The following IGFLR1 variants were observed in gnomAD, a reference collection of about 807,000 sequenced individuals.
IGFLR1 encodes the protein IGF-like family receptor 1.
Under a neutral mutation model 23.4 loss-of-function variants are expected in IGFLR1, and 17 were observed. The observed-to-expected ratio is 0.73, with a 90% confidence interval of 0.50 to 1.09. The LOEUF is 1.09. Among genes scored for constraint, IGFLR1 ranks in the 50% least tolerant of loss-of-function variants. The pLI, the probability that IGFLR1 is intolerant of heterozygous loss-of-function variation, is 0.00. For missense variants in IGFLR1, 556 were observed against 459.2 expected, an observed-to-expected ratio of 1.21 and a Z score of -1.93; for synonymous variants, 265 against 210.7, an observed-to-expected ratio of 1.26 and a Z score of -2.23.
intron 3 of IGFLR1, 26 bp from the exon 4 acceptor site, chr19:35,740,114 C>T (rs771551444): frequency 6.3e-7 from 1 of 1,587,034 alleles, no homozygotes; most frequent in Non-Finnish European, 8.6e-7. Context: ...TGGAGTAAAG[C>T]TGGAGGCCAC....
chr19:35,739,005 A>ATTCT lies in IGFLR1; in HGVS notation c.*274_*275insAGAA. On this transcript the variant is annotated 3_prime_UTR_variant, in exon 5 of 5. Coordinates refer to ENST00000246532, the MANE Select transcript of IGFLR1 (RefSeq NM_024660.4). The stretch of plus-strand genomic sequence containing the variant: ...GGTGAGGCCATCATTCAGAATTAGA[A>ATTCT]GTCAGTCATGGGGTCTGTTACGGCT... 2.0e-6 allele frequency: 1 copy of ATTCT among 499,216 alleles called. No homozygotes were observed. The highest frequency in any genetic ancestry group is 3.5e-6 in the Non-Finnish European group (1 of 281,988). The allele number at this position is 499,216 out of a possible 1,614,324, so 30.9% of individuals were successfully genotyped here.
rs1376395257 is a variant in IGFLR1, at chr19:35,739,857, C to T, written c.574G>A (p.Glu192Lys). ...GGATAGGGATAGGGGTCGGCTTTCT[C>T]CTTGGGCCAGCAGAGATGCCAGAGC... is the stretch of plus-strand genomic sequence containing the variant. The part of the protein sequence containing the change: ...ILLWHLCWPK[E>K]KADPYPYPGL... Residue 192 changes from glutamate (E) to lysine (K), a missense_variant, in exon 4 of 5, where the codon GAG becomes AAG. By Grantham distance (56) the Glu-to-Lys change is moderately conservative. Coordinates refer to ENST00000246532, the MANE Select transcript of IGFLR1 (RefSeq NM_024660.4). 1.2e-6 allele frequency: 2 copies of T among 1,613,214 alleles called. No individual in the cohort carries two copies. The highest frequency in any genetic ancestry group is 1.3e-5 in the African/African-American group (1 of 74,884).
intron 2 of IGFLR1, 87 bp downstream of exon 2, chr19:35,740,937 T>C (rs780179011): frequency 5.8e-5 from 77 of 1,321,250 alleles, no homozygotes; most frequent in Middle Eastern, 2.6e-4. Flanking sequence ...CAAGCCTCTC[T>C]GGCCCGTAGC....
rs553923051 is a variant in IGFLR1, at chr19:35,741,070, CTTG to C, written c.108_110del (p.Asn36del). On this transcript the variant is annotated inframe_deletion, in exon 2 of 5. Transcript: ENST00000246532. ...AGCGTTGCAGGCAGCTGCTGCAGCA[CTTG>C]TTGTCTGGGTTCCAGTATTCAAGGC... is the stretch of plus-strand genomic sequence containing the variant. 10 of 1,607,658 alleles carry C rather than the reference CTTG, an allele frequency of 6.2e-6. No individual in the cohort carries two copies. Among genetic ancestry groups the C allele is most frequent in the South Asian group, 3.3e-5 (3 of 90,520 alleles).
In IGFLR1 at chr19:35,739,025, A is replaced by G; in HGVS notation, c.*255T>C. 1 of 534,152 alleles carries G rather than the reference A, an allele frequency of 1.9e-6. No homozygotes were observed. The highest frequency in any genetic ancestry group is 2.6e-5 in the South Asian group (1 of 38,468). The allele number at this position is 534,152 out of a possible 1,614,324, so 33.1% of individuals were successfully genotyped here. ...TTAGAAGTCAGTCATGGGGTCTGTT[A>G]CGGCTTCAGAACAACACAACACAGC... On this transcript the variant is annotated 3_prime_UTR_variant, in exon 5 of 5. Coordinates refer to ENST00000246532, the MANE Select transcript of IGFLR1 (RefSeq NM_024660.4).
chr19:35,738,958 A>T lies in IGFLR1; in HGVS notation c.*322T>A. The T allele has an allele frequency of 2.2e-6, 1 of 450,350 alleles. No homozygotes were observed. Among genetic ancestry groups the T allele is most frequent in the Non-Finnish European group, 4.0e-6 (1 of 252,286 alleles). 27.9% of individuals were successfully genotyped at this position (450,350 alleles called of 1,614,324 possible). On this transcript the variant is annotated 3_prime_UTR_variant, in exon 5 of 5. Transcript: ENST00000246532. This position sits in a 1 kb window ranked among gnomAD's most constrained non-coding sequence, Gnocchi z 8.7. ...ACACCCACCCATCATGACCCAAGGA[A>T]GTTCATCAGCCTCAACAGGTAGGTG... is the stretch of plus-strand genomic sequence containing the variant.
chr19:35,741,201 GA>G lies in IGFLR1; in HGVS notation c.-22del. 6.2e-7 allele frequency: 1 copy of G among 1,609,988 alleles called. No individual in the cohort carries two copies. On this transcript the variant is annotated 5_prime_UTR_variant, in exon 2 of 5. Transcript: ENST00000246532. Reference sequence around the variant, plus strand: ...CCCATCTGGGGGGCCGTGATAGCGGGACTTCCAAACACAGCGCCTCTGCTAC... The same window carrying G: ...CCCATCTGGGGGGCCGTGATAGCGGGCTTCCAAACACAGCGCCTCTGCTAC...
Position 35,739,867 on chromosome 19 carries a change from G to A in IGFLR1, c.564C>T (p.Cys188=). 1.9e-6 allele frequency: 3 copies of A among 1,613,954 alleles called. No homozygotes were observed. Among genetic ancestry groups the A allele is most frequent in the Non-Finnish European group, 8.5e-7 (1 of 1,179,866 alleles). ...AGGGGTCGGCTTTCTCCTTGGGCCAGCAGAGATGCCAGAGCAGAATAAACA... is the reference window on the plus strand; with the variant it reads ...AGGGGTCGGCTTTCTCCTTGGGCCAACAGAGATGCCAGAGCAGAATAAACA... ...ILLFILLWHL[C]WPKEKADPYP... The change falls in exon 4 of 5, where the codon TGC becomes TGT. Residue 188 remains cysteine, a synonymous_variant. Coordinates refer to ENST00000246532, the MANE Select transcript of IGFLR1 (RefSeq NM_024660.4).
intron 2 of IGFLR1, 128 bp from the exon 3 acceptor site, chr19:35,740,692 C>A (rs1039456125): frequency 1.5e-5 from 13 of 895,532 alleles, no homozygotes; most frequent in Non-Finnish European, 2.0e-5. Flanking sequence ...GCGTGCGCCC[C>A]GGTCTTGTCA....
rs774871492 is a variant in IGFLR1 at position 35,742,449 on chromosome 19, T to C, written c.-97A>G. Reference sequence around the variant, plus strand: ...GTGCCAAGTTCCTCAGCTGAAGTTGTGGCCAGGACCCAGTCTTGTTTCCCC... The same window carrying C: ...GTGCCAAGTTCCTCAGCTGAAGTTGCGGCCAGGACCCAGTCTTGTTTCCCC... On this transcript the variant is annotated 5_prime_UTR_variant, in exon 1 of 5. Coordinates refer to ENST00000246532, the MANE Select transcript of IGFLR1 (RefSeq NM_024660.4). 2 of 1,538,864 alleles carry C rather than the reference T, an allele frequency of 1.3e-6. No individual in the cohort carries two copies. The highest frequency in any genetic ancestry group is 1.7e-6 in the Non-Finnish European group (2 of 1,147,480).
chr19:35,741,127 T>C lies in IGFLR1; in HGVS notation c.54A>G (p.Pro18=), dbSNP rs1476485848. Residue 18 remains proline (P), a synonymous_variant, in exon 2 of 5, where the codon CCA becomes CCG. Coordinates refer to ENST00000246532, the MANE Select transcript of IGFLR1 (RefSeq NM_024660.4). The part of the protein sequence containing the change: ...LTALLLLALA[P]PPEASQYCGR... ...CGCAGTACTGGGAGGCTTCCGGCGG[T>C]GGCGCCAGGGCCAGAAGCAACAAGG... 14 of 1,600,516 alleles carry C rather than the reference T, an allele frequency of 8.7e-6. No homozygotes were observed. Among genetic ancestry groups the C allele is most frequent in the Non-Finnish European group, 1.2e-5 (14 of 1,171,358 alleles).
chr19:35,741,274 G>T (rs77798499), intron 1 of IGFLR1, 51 bp from the exon 2 acceptor site: 10 of 1,533,648 alleles, frequency 6.5e-6, no homozygotes, highest in South Asian at 2.4e-5. Context: ...TGATGTGGGG[G>T]AACAGAATTC....
rs1335446023 is a variant in IGFLR1 at position 35,739,214 on chromosome 19, T to C, written c.*66A>G. 2 of 1,385,262 alleles carry C rather than the reference T, an allele frequency of 1.4e-6. No individual in the cohort carries two copies. The highest frequency in any genetic ancestry group is 2.1e-4 in the Middle Eastern group (1 of 4,738). The allele number at this position is 1,385,262 out of a possible 1,614,324, so 85.8% of individuals were successfully genotyped here. A position where few individuals can be genotyped will look rare whatever the true frequency, so the allele number is the denominator to read the frequency against. ...GGTCTTTGCCCAATTAGGATTGTACTTCAAGAAGTACTTCAGTGCTAATTG... is the reference window on the plus strand; with the variant it reads ...GGTCTTTGCCCAATTAGGATTGTACCTCAAGAAGTACTTCAGTGCTAATTG... On this transcript the variant is annotated 3_prime_UTR_variant, in exon 5 of 5. Transcript: ENST00000246532.
In IGFLR1 at chr19:35,741,545, G is replaced by A. The variant is rs369452817; in HGVS notation, c.-43-322C>T. 7.4e-5 allele frequency: 19 copies of A among 255,558 alleles called. No homozygotes were observed. In the East Asian group the frequency reaches 8.3e-4, roughly 11 times the overall value. The allele number at this position is 255,558 out of a possible 1,614,324, so 15.8% of individuals were successfully genotyped here. ...ATTAGAAGTAAAGCAGGGGCTGGGT[G>A]TGGTGGCTCATGCCTGTAATCCCAA... On this transcript the variant is annotated intron_variant, in intron 1 of 4. Transcript: ENST00000246532.
In IGFLR1 at chr19:35,740,492, G is replaced by A. The variant is rs201029450; in HGVS notation, c.230C>T (p.Ser77Phe). Residue 77 changes from serine (S) to phenylalanine (F), a missense_variant, in exon 3 of 5, where the codon TCT becomes TTT. Coordinates refer to ENST00000246532, the MANE Select transcript of IGFLR1 (RefSeq NM_024660.4). ...DFVTPPFRKC[S>F]SGQCNPDGAE... Reference sequence around the variant, plus strand: ...GCCGTCGGGGTTGCACTGCCCAGAAGAACACTTTCGGAACGGGGGCGTTAC... The same window carrying A: ...GCCGTCGGGGTTGCACTGCCCAGAAAAACACTTTCGGAACGGGGGCGTTAC... The A allele has an allele frequency of 3.1e-6, 5 of 1,613,104 alleles. No individual in the cohort carries two copies. The highest frequency in any genetic ancestry group is 3.3e-5 in the Admixed American group (2 of 59,996).
chr19:35,739,919 A>G lies in IGFLR1; in HGVS notation c.512T>C (p.Leu171Pro), dbSNP rs146772419. The change falls in exon 4 of 5, where the codon CTG (leucine) becomes CCG (proline). Residue 171 changes from leucine to proline, a missense_variant. By Grantham distance (98) the Leu-to-Pro change is moderately conservative. Transcript: ENST00000246532. ...FLPLVVLVLL[L>P]TLAVIAILLF... The stretch of plus-strand genomic sequence containing the variant: ...GAGGATCGCTATCACCGCCAAGGTC[A>G]GGAGCAGGACCAGCACCACGAGCGG... 9 of 1,614,058 alleles carry G rather than the reference A, an allele frequency of 5.6e-6. No homozygotes were observed. Among genetic ancestry groups the G allele is most frequent in the African/African-American group, 2.7e-5 (2 of 74,926 alleles).
rs1245743354 is a variant in IGFLR1, at chr19:35,738,883, T to TG, written c.*396dup. 4.3e-6 allele frequency: 2 copies of TG among 461,886 alleles called. No individual in the cohort carries two copies. Among genetic ancestry groups the TG allele is most frequent in the African/African-American group, 3.9e-5 (2 of 50,984 alleles). 28.6% of individuals were successfully genotyped at this position (461,886 alleles called of 1,614,324 possible). Reference sequence around the variant, plus strand: ...TAAAGTCTGTCAATGTTTGGAGAGGTGGTCTTCCCATTTGTAGGCTGTGGG... The same window carrying TG: ...TAAAGTCTGTCAATGTTTGGAGAGGTGGGTCTTCCCATTTGTAGGCTGTGGG... On this transcript the variant is annotated 3_prime_UTR_variant, in exon 5 of 5. Coordinates refer to ENST00000246532, the MANE Select transcript of IGFLR1 (RefSeq NM_024660.4). This position sits in a 1 kb window ranked among gnomAD's most constrained non-coding sequence, Gnocchi z 8.7.
Position 35,739,343 on chromosome 19 carries a change from T to C in IGFLR1, c.1005A>G (p.Leu335=). 4 of 1,611,060 alleles carry C rather than the reference T, an allele frequency of 2.5e-6. No individual in the cohort carries two copies. The highest frequency in any genetic ancestry group is 3.4e-6 in the Non-Finnish European group (4 of 1,178,778). ...LGQLGTHLAQ[L]GRADALRVLS... is the part of the protein sequence containing the mutation. ...GCACCCGCAATGCATCTGCCCGCCC[T>C]AGCTGGGCGAGGTGTGTGCCAAGCT... is the stretch of plus-strand genomic sequence containing the variant. The change falls in exon 5 of 5, where the codon CTA becomes CTG. Residue 335 remains leucine, a synonymous_variant. Transcript: ENST00000246532.
rs2146488197 is a variant in IGFLR1, at chr19:35,739,574, C to A, written c.774G>T (p.Glu258Asp). 2 of 1,613,948 alleles carry A rather than the reference C, an allele frequency of 1.2e-6. No homozygotes were observed. Among genetic ancestry groups the A allele is most frequent in the East Asian group, 4.5e-5 (2 of 44,870 alleles). ...QPLSRLLDEL[E>D]VLEELIVLLD... ...GCAGTACAATCAGCTCTTCCAGCAC[C>A]TCCAGCTCATCCAGGAGGCGAGACA... The change falls in exon 5 of 5, where the codon GAG becomes GAT. Residue 258 changes from glutamate to aspartate, a missense_variant. Transcript: ENST00000246532.
Sources: allele counts gnomAD v4.1 joint callset, GRCh38; gene constraint gnomAD v4.1.1; non-coding constraint Gnocchi (gnomAD v3.1); transcripts MANE v1.5; gene names NCBI Gene and HGNC (gene_info 2026-07-23, HGNC 2026-07-21).